SKIC8: variants seen among roughly 807,000 people sequenced by gnomAD.
SKIC8 encodes the protein SKI8 subunit of superkiller complex, also known as superkiller complex protein 8.
At chr15:78,285,187 C>A in the SKIC8 span, 1 of 1,467,282 alleles carries the variant, frequency 6.8e-7, no homozygotes, top group South Asian at 1.1e-5. Context: ...GCAACAAGGT[C>A]AGGAAAAGAA....
chr15:78,285,114 A>G, the SKIC8 span: 1 of 695,384 alleles, frequency 1.4e-6, no homozygotes, highest in South Asian at 1.8e-5. Context: ...AACTCTGGCT[A>G]CATGGATGAC....
chr15:78,295,924 A>C, the SKIC8 span: 4 of 437,606 alleles, frequency 9.1e-6, no homozygotes, highest in Non-Finnish European at 1.6e-5. Context: ...GAACCTAGGG[A>C]CTCAACTAAC....
chr15:78,297,058 A>C, the SKIC8 span, among the ~76,000 whole-genome samples: 1 of 152,226 alleles, frequency 6.6e-6, no homozygotes. Flanking sequence ...ATTCATTAAT[A>C]CTGAACTCAT....
chr15:78,283,730 CAAA>C, the SKIC8 span: 3,311 of 314,974 alleles, frequency 0.011, no homozygotes, highest in South Asian at 0.014. Flanking sequence ...TCCCATACTC[CAAA>C]AAAAAAAAAA....
At chr15:78,291,203 T>C in the SKIC8 span, 1 of 152,218 alleles carries the variant, frequency 6.6e-6, no homozygotes, top group African/African-American at 2.4e-5. Flanking sequence ...ATCCTTTTAC[T>C]TGGAACCAAT....
the SKIC8 span, among the ~76,000 whole-genome samples, chr15:78,288,108 C>A: frequency 6.6e-6 from 1 of 152,182 alleles, no homozygotes; most frequent in Non-Finnish European, 1.5e-5. Flanking sequence ...CTCCTCCAAG[C>A]AGCCCTTGAG....
chr15:78,299,270 G>A, the SKIC8 span, among the ~76,000 whole-genome samples: 1 of 152,162 alleles, frequency 6.6e-6, no homozygotes, highest in Non-Finnish European at 1.5e-5. Context: ...ACGGATAAAT[G>A]ATCTCCTCCG....
At chr15:78,296,691 T>C in the SKIC8 span, among the ~76,000 whole-genome samples, 31 of 152,256 alleles carry the variant, frequency 2.0e-4, no homozygotes, top group East Asian at 6.0e-3. Flanking sequence ...TTTGTAGAGA[T>C]GGGGTCTCCC....
At chr15:78,295,811 G>C in the SKIC8 span, 1 of 1,147,326 alleles carries the variant, frequency 8.7e-7, no homozygotes, top group Non-Finnish European at 1.2e-6. Flanking sequence ...AAGAAAATAA[G>C]GCAACTCTTT....
At chr15:78,295,533 C>CT in the SKIC8 span, 1 of 1,044,898 alleles carries the variant, frequency 9.6e-7, no homozygotes, top group Non-Finnish European at 1.5e-6. Context: ...ACTGTGGTGA[C>CT]TAGGTACCCA....
At chr15:78,290,670 G>C in the SKIC8 span, 6 of 152,478 alleles carry the variant, frequency 3.9e-5, no homozygotes, top group African/African-American at 1.4e-4. Flanking sequence ...ACCTTCAGAT[G>C]AATTTAGCTG....
the SKIC8 span, chr15:78,284,097 C>A: frequency 6.6e-6 from 1 of 152,186 alleles, no homozygotes; most frequent in Non-Finnish European, 1.5e-5. Flanking sequence ...CCTTCCCAGA[C>A]AGAATTGATG....
At chr15:78,289,558 G>A in the SKIC8 span, 3 of 1,304,068 alleles carry the variant, frequency 2.3e-6, no homozygotes, top group East Asian at 7.1e-5. Flanking sequence ...TTCAATGAAA[G>A]AATAATTCTT....
At chr15:78,285,059 G>A in the SKIC8 span, 4 of 564,020 alleles carry the variant, frequency 7.1e-6, no homozygotes, top group African/African-American at 1.9e-5. Flanking sequence ...TGAGTTGCTA[G>A]GCTGACAGCA....
the SKIC8 span, among the ~76,000 whole-genome samples, chr15:78,287,706 T>C: frequency 6.6e-6 from 1 of 152,074 alleles, no homozygotes; most frequent in Non-Finnish European, 1.5e-5. Context: ...GAGTCAGGAC[T>C]AAAAATGATG....
the SKIC8 span, chr15:78,289,499 T>G: frequency 4.0e-6 from 3 of 748,380 alleles, no homozygotes; most frequent in African/African-American, 5.3e-5. Flanking sequence ...GTTTTCCAAT[T>G]GAGATTGATA....
At chr15:78,288,249 G>A in the SKIC8 span, 6 of 1,581,472 alleles carry the variant, frequency 3.8e-6, no homozygotes, top group South Asian at 5.5e-5. Context: ...GGGACAAGAT[G>A]GGCATCAGTA....
chr15:78,295,871 C>T, the SKIC8 span: 1 of 563,344 alleles, frequency 1.8e-6, no homozygotes. Context: ...CTGGAACCTC[C>T]TTCGCACTCC....
chr15:78,287,009 C>G, the SKIC8 span: 4 of 152,050 alleles, frequency 2.6e-5, no homozygotes, highest in South Asian at 8.3e-4. Context: ...AAGAGTAAAC[C>G]CTAATGTAAA....
Sources: allele counts gnomAD v4.1 joint callset (sites outside exome capture counted in the v4.1 genomes callset), GRCh38; gene constraint gnomAD v4.1.1; transcripts MANE v1.5; gene names NCBI Gene and HGNC (gene_info 2026-07-23, HGNC 2026-07-21).